Variants in MYLK3 observed in about 807,000 individuals in gnomAD.
MYLK3 encodes MLC kinase.
Under a neutral mutation model 76.3 loss-of-function variants are expected in MYLK3, and 55 were observed. The ratio of observed to expected loss-of-function variants is 0.72; its 90% CI spans 0.58 to 0.90. The LOEUF (loss-of-function observed/expected upper bound fraction) is 0.90. Among genes scored for constraint, MYLK3 ranks in the 40% least tolerant of loss-of-function variants. The pLI is 0.00. For missense variants in MYLK3, 973 were observed against 1,053.6 expected, an observed-to-expected ratio of 0.92 and a Z score of 1.06; for synonymous variants, 416 against 425.4, an observed-to-expected ratio of 0.98 and a Z score of 0.27.
chr16:46,716,349 T>C (rs948821438), intron 9 of MYLK3, among the ~76,000 whole-genome samples: 1 of 151,888 alleles, frequency 6.6e-6, no homozygotes. Flanking sequence ...ATGAGAGATA[T>C]ATATAGCCCG....
chr16:46,751,987 G>A (rs1473739602), upstream of MYLK3, among the ~76,000 whole-genome samples: 1 of 152,188 alleles, frequency 6.6e-6, no homozygotes, highest in East Asian at 1.9e-4. Context: ...GACCCCCCAA[G>A]CCAAGAGAAA....
upstream of MYLK3, among the ~76,000 whole-genome samples, chr16:46,750,408 G>A (rs767294678): frequency 9.2e-5 from 14 of 152,286 alleles, no homozygotes; most frequent in South Asian, 4.1e-4. Flanking sequence ...TAATAAAGCC[G>A]GAAAGGGCCG....
intron 1 of MYLK3, among the ~76,000 whole-genome samples, chr16:46,743,167 C>T (rs948906264): frequency 3.3e-5 from 5 of 152,168 alleles, no homozygotes; most frequent in African/African-American, 7.2e-5. Flanking sequence ...TCCAGGAGAC[C>T]GCACCTGGCT....
At chr16:46,715,789 T>C (rs540094842) in intron 9 of MYLK3, among the ~76,000 whole-genome samples, 1 of 152,186 alleles carries the variant, frequency 6.6e-6, no homozygotes, top group Non-Finnish European at 1.5e-5. Flanking sequence ...CCAGGAGCCA[T>C]GTCCCTGCTG....
In MYLK3 at chr16:46,712,765, C is replaced by T. The variant is rs1310908971; in HGVS notation, c.1997G>A (p.Arg666Gln). 4 of 1,597,498 alleles carry T rather than the reference C, an allele frequency of 2.5e-6. No homozygotes were observed. Among genetic ancestry groups the T allele is most frequent in the Middle Eastern group, 1.7e-4 (1 of 5,950 alleles). The change falls in exon 10 of 13, where the codon CGA becomes CAA. Residue 666 changes from arginine (R) to glutamine (Q), a missense_variant. Physicochemically the swap from Arg to Gln is conservative, Grantham distance 43. Coordinates refer to ENST00000394809, the MANE Select transcript of MYLK3 (RefSeq NM_182493.3). ...GCCGAAGTTCACCTTCAGCTTCTCT[C>T]GAGGCTTGTACCTGGGGAGAAGGGG... ...DFGLARRYKP[R>Q]EKLKVNFGTP...
rs369532030 is a variant in MYLK3, at chr16:46,702,780, C to T, written c.*4924G>A. ...ACTAAAAACACAAAAATTAGCTGGG[C>T]GTGGTGGCGCATGCCTGTAGTCCCA... On this transcript the variant is annotated 3_prime_UTR_variant, in exon 13 of 13. Coordinates refer to ENST00000394809, the MANE Select transcript of MYLK3 (RefSeq NM_182493.3). Among the ~76,000 whole-genome samples, 2 of 152,078 alleles carry T rather than the reference C, an allele frequency of 1.3e-5. No homozygotes were observed. The highest frequency in any genetic ancestry group is 2.4e-5 in the African/African-American group (1 of 41,494).
At chr16:46,714,110 CAG>C (rs1458926885) in intron 9 of MYLK3, among the ~76,000 whole-genome samples, 3 of 152,096 alleles carry the variant, frequency 2.0e-5, no homozygotes, top group Non-Finnish European at 4.4e-5. Flanking sequence ...GGGGGGCAAA[CAG>C]TGTGTTTTAG....
intron 3 of MYLK3, among the ~76,000 whole-genome samples, chr16:46,735,619 G>A (rs762360756): frequency 5.3e-5 from 8 of 152,204 alleles, no homozygotes; most frequent in East Asian, 1.9e-4. Context: ...CCCTAGGTGC[G>A]TGTGACTCAC....
At chr16:46,746,545 C>T (rs1430271202) in intron 1 of MYLK3, among the ~76,000 whole-genome samples, 3 of 152,148 alleles carry the variant, frequency 2.0e-5, no homozygotes, top group South Asian at 2.1e-4. Context: ...CTTAGCCTCC[C>T]GAGTAGCTAG....
At position 46,747,734 on chromosome 16, in the gene MYLK3, C is replaced by G. The variant is rs1417866471; in HGVS notation, c.460G>C (p.Gly154Arg). ...GAACCAACCTCCTCAGGGCTGTCAC[C>G]TGGGCTGCCTCTCCTCCAGGGCACA... ...GRVPWRRGSP[G>R]DSPEENKERV... Residue 154 changes from glycine to arginine, a missense_variant, in exon 1 of 13, where the codon GGT becomes CGT. Around this residue, in one of 2 missense-constraint regions of MYLK3, gnomAD observed 641 missense variants for 637.0 expected, o/e 1.01. Transcript: ENST00000394809. 1 of 1,613,656 alleles carries G rather than the reference C, an allele frequency of 6.2e-7. No individual in the cohort carries two copies. Among genetic ancestry groups the G allele is most frequent in the Non-Finnish European group, 8.5e-7 (1 of 1,179,926 alleles).
intron 1 of MYLK3, among the ~76,000 whole-genome samples, chr16:46,741,767 G>T (rs1966934619): frequency 9.7e-6 from 1 of 103,138 alleles, no homozygotes; most frequent in African/African-American, 3.7e-5. Flanking sequence ...TGTTGGGCTT[G>T]CAATTTTTTT....
intron 3 of MYLK3, among the ~76,000 whole-genome samples, chr16:46,736,554 C>A (rs1211775769): frequency 6.6e-6 from 1 of 152,198 alleles, no homozygotes; most frequent in Admixed American, 6.5e-5. Context: ...TCACCCCCAG[C>A]CCCAGATTCC....
intron 1 of MYLK3, among the ~76,000 whole-genome samples, chr16:46,759,924 GCCCAGC>G (rs1967254734): frequency 6.6e-6 from 1 of 152,154 alleles, no homozygotes; most frequent in Non-Finnish European, 1.5e-5. Flanking sequence ...TAGCCACCAC[GCCCAGC>G]CCCTTTTCCA....
At chr16:46,743,331 C>T (rs993080755) in intron 1 of MYLK3, among the ~76,000 whole-genome samples, 1 of 152,190 alleles carries the variant, frequency 6.6e-6, no homozygotes, top group African/African-American at 2.4e-5. Context: ...GGTTGCCATG[C>T]CCCACTCTCC....
intron 9 of MYLK3, among the ~76,000 whole-genome samples, chr16:46,716,367 ATATATG>A (rs1325491779): frequency 2.0e-5 from 3 of 151,988 alleles, no homozygotes; most frequent in Admixed American, 6.6e-5. Context: ...CCGCATATAT[ATATATG>A]TATATGTATA....
chr16:46,735,529 A>G (rs1966864415), intron 3 of MYLK3, among the ~76,000 whole-genome samples: 1 of 152,136 alleles, frequency 6.6e-6, no homozygotes, highest in Non-Finnish European at 1.5e-5. Flanking sequence ...ATTTTTTAAA[A>G]GAAAACAGTG....
chr16:46,708,122 C>T (rs538393937), intron 12 of MYLK3, among the ~76,000 whole-genome samples: 1 of 152,170 alleles, frequency 6.6e-6, no homozygotes, highest in East Asian at 1.9e-4. Context: ...CCTCCCACCT[C>T]AGCCTCCCAA....
exon 1 of MYLK3, chr16:46,763,048 A>G: frequency 2.0e-6 from 2 of 985,454 alleles, no homozygotes; most frequent in Non-Finnish European, 2.4e-6. Context: ...ACCACTTTCC[A>G]TCCATGGGTC....
At chr16:46,740,208 A>C in intron 1 of MYLK3, 61 bp from the exon 2 acceptor site, 1 of 1,390,388 alleles carries the variant, frequency 7.2e-7, no homozygotes, top group Non-Finnish European at 1.0e-6. Flanking sequence ...CAGGCCACAG[A>C]CATTTGTTTA....
Sources: gnomAD v4.1 joint callset for allele counts (sites outside exome capture counted in the v4.1 genomes callset) on GRCh38, gnomAD v4.1.1 for gene constraint, gnomAD v4.1.1 regional missense constraint, MANE v1.5 for transcripts, NCBI Gene and HGNC (gene_info 2026-07-23, HGNC 2026-07-21) for gene names.